SUZ12: variants seen among roughly 807,000 people sequenced by gnomAD.
SUZ12 encodes polycomb protein SUZ12.
SUZ12 carries 17 observed loss-of-function variants against 87.3 expected under a neutral mutation model. The ratio of observed to expected loss-of-function variants is 0.19; its 90% confidence interval spans 0.13 to 0.29. The LOEUF (loss-of-function observed/expected upper bound fraction) is 0.29, where lower values mean the gene tolerates loss of function less well. SUZ12 is among the 10% of genes least tolerant of loss of function. The pLI is 1.00. For synonymous variants in SUZ12, 253 were observed against 312.4 expected (o/e 0.81, Z 2.01); for missense variants, 526 against 912.2 (o/e 0.58, Z 5.45).
At chr17:31,984,777 A>G (rs751681558) in intron 9 of SUZ12, among the ~76,000 whole-genome samples, 7 of 152,248 alleles carry the variant, frequency 4.6e-5, no homozygotes, top group Non-Finnish European at 7.3e-5. Flanking sequence ...TACTTTTGAG[A>G]GTTCGACAAA....
chr17:31,957,671 A>C (rs1907436710), intron 4 of SUZ12, among the ~76,000 whole-genome samples: 1 of 150,130 alleles, frequency 6.7e-6, no homozygotes, highest in Non-Finnish European at 1.5e-5. Context: ...TCAGCCTCCC[A>C]AAGTGCTGGG....
chr17:31,946,418 G>A lies in SUZ12; in HGVS notation c.387-1199G>A, dbSNP rs1906640203. Among the ~76,000 whole-genome samples, 3 of 152,152 alleles carry A rather than the reference G, an allele frequency of 2.0e-5. No individual in the cohort carries two copies. In the South Asian group the frequency reaches 6.2e-4, roughly 32 times the overall value. On this transcript the variant is annotated intron_variant, in intron 3 of 15. Coordinates refer to ENST00000322652, the MANE Select transcript of SUZ12 (RefSeq NM_015355.4). ...GTGGTGGTGCACACCTGTAGTCCCAGCTACTCGGGAGGCTGAGGCAGGAGA... is the reference window on the plus strand; with the variant it reads ...GTGGTGGTGCACACCTGTAGTCCCAACTACTCGGGAGGCTGAGGCAGGAGA...
intron 4 of SUZ12, among the ~76,000 whole-genome samples, chr17:31,962,953 A>G (rs1159743495): frequency 6.6e-6 from 1 of 152,238 alleles, no homozygotes; most frequent in Non-Finnish European, 1.5e-5. Flanking sequence ...GAATTGTAGA[A>G]TATTCCTCTT....
chr17:31,960,054 C>T (rs1907603938), intron 4 of SUZ12, among the ~76,000 whole-genome samples: 1 of 152,120 alleles, frequency 6.6e-6, no homozygotes, highest in African/African-American at 2.4e-5. Flanking sequence ...TGTTTCTTTT[C>T]CTCCCGTTCA....
chr17:31,970,263 G>C (rs1280858578), intron 5 of SUZ12, among the ~76,000 whole-genome samples: 1 of 152,158 alleles, frequency 6.6e-6, no homozygotes, highest in African/African-American at 2.4e-5. Flanking sequence ...TATCCTGGAT[G>C]CAACTTCCGA....
chr17:31,951,815 C>T (rs1907003132), intron 4 of SUZ12, among the ~76,000 whole-genome samples: 1 of 148,600 alleles, frequency 6.7e-6, no homozygotes, highest in African/African-American at 2.5e-5. Context: ...CACATTGTCG[C>T]CCAGGCTGGA....
At chr17:31,940,392 A>G (rs754002760) in intron 2 of SUZ12, 30 bp from the exon 3 acceptor site, 143 of 1,583,696 alleles carry the variant, frequency 9.0e-5, no homozygotes, top group Admixed American at 1.2e-4. Context: ...TCTGTATTCA[A>G]TTTTAACATT....
chr17:31,946,299 A>G (rs1485866549), intron 3 of SUZ12, among the ~76,000 whole-genome samples: 1 of 152,092 alleles, frequency 6.6e-6, no homozygotes, highest in Non-Finnish European at 1.5e-5. Flanking sequence ...TTTGGGAGAC[A>G]GGGGTGGATA....
intron 11 of SUZ12, 114 bp downstream of exon 11, chr17:31,993,447 G>T: frequency 1.3e-6 from 1 of 789,398 alleles, no homozygotes; most frequent in Non-Finnish European, 2.0e-6. Context: ...TTTGAGACAG[G>T]ATCTCACTTT....
At chr17:31,977,921 G>C (rs2470236) in intron 8 of SUZ12, among the ~76,000 whole-genome samples, 23,695 of 152,058 alleles carry the variant, frequency 0.16, 2,064 homozygotes, top group African/African-American at 0.22. Context: ...CATGTATAAT[G>C]ATTGTGTACC....
intron 3 of SUZ12, among the ~76,000 whole-genome samples, chr17:31,941,085 G>C (rs1906247926): frequency 6.6e-6 from 1 of 151,788 alleles, no homozygotes; most frequent in South Asian, 2.1e-4. Flanking sequence ...TTTACTCTGT[G>C]CCATGGGTTA....
Position 31,955,254 on chromosome 17 carries a change from T to C in SUZ12, c.455+7569T>C, listed in dbSNP as rs549702711. The stretch of plus-strand genomic sequence containing the variant: ...AGTAGCTGGGACTACAGGCACATGC[T>C]ACCATGTCCCACTTATTTTATTTTA... On this transcript the variant is annotated intron_variant, in intron 4 of 15. Coordinates refer to ENST00000322652, the MANE Select transcript of SUZ12 (RefSeq NM_015355.4). Among the ~76,000 whole-genome samples, 4 of 152,158 alleles carry C rather than the reference T, an allele frequency of 2.6e-5. No individual in the cohort carries two copies. In the East Asian group the frequency reaches 7.7e-4, roughly 29 times the overall value.
chr17:31,961,893 C>A (rs1399327666), intron 4 of SUZ12, among the ~76,000 whole-genome samples: 1 of 152,144 alleles, frequency 6.6e-6, no homozygotes, highest in African/African-American at 2.4e-5. Context: ...GGCCATCATT[C>A]CTGACCTTTA....
intron 5 of SUZ12, among the ~76,000 whole-genome samples, chr17:31,969,011 T>C (rs1451736303): frequency 2.0e-5 from 3 of 152,210 alleles, no homozygotes; most frequent in African/African-American, 7.2e-5. Context: ...AAATAATTCC[T>C]CTGTCACCTA....
Position 31,937,306 on chromosome 17 carries a change from C to T in SUZ12, c.60C>T (p.Ser20=), listed in dbSNP as rs1376941123. 1.4e-6 allele frequency: 2 copies of T among 1,428,962 alleles called. No individual in the cohort carries two copies. Among genetic ancestry groups the T allele is most frequent in the Non-Finnish European group, 1.8e-6 (2 of 1,101,854 alleles). 88.5% of individuals were successfully genotyped at this position (1,428,962 alleles called of 1,614,324 possible). A position where few individuals can be genotyped will look rare whatever the true frequency, so the allele number is the denominator to read the frequency against. The change falls in exon 1 of 16, where the codon TCC becomes TCT. Residue 20 remains serine, a synonymous_variant. Coordinates refer to ENST00000322652, the MANE Select transcript of SUZ12 (RefSeq NM_015355.4). ...GCGGCTCGGGGCCCAGCGCGGGGTC[C>T]GGGGGAGGCGGCTTCGGGGGTTCGG... ...GGGGSGPSAG[S]GGGGFGGSAA...
At chr17:31,979,435 C>G (rs1489102030) in intron 8 of SUZ12, among the ~76,000 whole-genome samples, 1 of 152,114 alleles carries the variant, frequency 6.6e-6, no homozygotes, top group Non-Finnish European at 1.5e-5. Flanking sequence ...TTGTCCTGTC[C>G]CCACCCCGAT....
chr17:31,957,895 C>CTTTTT (rs1181314058), intron 4 of SUZ12, among the ~76,000 whole-genome samples: 2 of 91,332 alleles, frequency 2.2e-5, no homozygotes, highest in Non-Finnish European at 4.5e-5. Context: ...ACCTTTTGTC[C>CTTTTT]TTTTTTTTTT....
chr17:31,994,561 C>T lies in SUZ12; in HGVS notation c.1438-3C>T. ...TATTTTTTTTTTTACATTTTTGTTGCAGTATCATCCAAAAGGTGCTAGGAT... is the reference window on the plus strand; with the variant it reads ...TATTTTTTTTTTTACATTTTTGTTGTAGTATCATCCAAAAGGTGCTAGGAT... On this transcript the variant is annotated splice_polypyrimidine_tract_variant and splice_region_variant and intron_variant, in intron 12 of 15. Transcript: ENST00000322652. 6.3e-7 allele frequency: 1 copy of T among 1,580,286 alleles called. No individual in the cohort carries two copies.
Position 31,976,601 on chromosome 17 carries a change from T to A in SUZ12, c.904T>A (p.Phe302Ile). The A allele has an allele frequency of 1.2e-6, 2 of 1,611,896 alleles. No individual in the cohort carries two copies. The highest frequency in any genetic ancestry group is 1.7e-6 in the Non-Finnish European group (2 of 1,178,640). The change falls in exon 8 of 16, where the codon TTT becomes ATT. Residue 302 changes from phenylalanine (F) to isoleucine (I), a missense_variant. By Grantham distance (21) the Phe-to-Ile change is conservative. Around this residue, in one of 9 missense-constraint regions of SUZ12, gnomAD observed 73 missense variants for 133.8 expected, o/e 0.55. Transcript: ENST00000322652. ...EKTFVAQMTV[F>I]DKNRRLQLLD... The stretch of plus-strand genomic sequence containing the variant: ...GACATTTGTTGCACAAATGACAGTA[T>A]TTGATAAAAACAGGTAATGTTGATG...
Sources: gnomAD v4.1 joint callset for allele counts (sites outside exome capture counted in the v4.1 genomes callset) on GRCh38, gnomAD v4.1.1 for gene constraint, gnomAD v4.1.1 regional missense constraint, MANE v1.5 for transcripts, NCBI Gene and HGNC (gene_info 2026-07-23, HGNC 2026-07-21) for gene names.